Variants in LARP4B observed in about 807,000 individuals in gnomAD.
The protein encoded by LARP4B is la-related protein 4B.
LARP4B carries 12 observed loss-of-function variants against 89.8 expected under a neutral mutation model. The ratio of observed to expected loss-of-function variants is 0.13; its 90% CI spans 0.09 to 0.22. The LOEUF is 0.22. Among genes scored for constraint, LARP4B ranks in the 10% least tolerant of loss-of-function variants. LARP4B has a pLI of 1.00. For missense variants in LARP4B, 757 were observed against 947.7 expected (o/e 0.80, Z 2.64); for synonymous variants, 367 against 363.3 (o/e 1.01, Z -0.12).
chr10:965,233 C>T, the LARP4B span, among the ~76,000 whole-genome samples: 6 of 152,346 alleles, frequency 3.9e-5, no homozygotes, highest in Admixed American at 2.0e-4. Context: ...GGGCCCCGCT[C>T]GGCTGTCGGC....
At chr10:948,835 G>A in the LARP4B span, among the ~76,000 whole-genome samples, 32 of 152,192 alleles carry the variant, frequency 2.1e-4, no homozygotes, top group Admixed American at 9.8e-4. Flanking sequence ...CCCATAGCTC[G>A]TTCCTTTTCA....
intron 6 of LARP4B, among the ~76,000 whole-genome samples, chr10:843,770 A>C (rs1257713778): frequency 6.6e-6 from 1 of 152,128 alleles, no homozygotes; most frequent in Non-Finnish European, 1.5e-5. Context: ...AAAACATAAA[A>C]AGGCCAGGAT....
At position 825,777 on chromosome 10, in the gene LARP4B, G is replaced by T; in HGVS notation, c.1219C>A (p.Pro407Thr). The change falls in exon 12 of 18, where the codon CCT (proline) becomes ACT (threonine). Residue 407 changes from proline to threonine, a missense_variant. This residue lies in a region of LARP4B where 137 missense variants were observed against 213.9 expected (regional missense o/e 0.64). Coordinates refer to ENST00000316157, the MANE Select transcript of LARP4B (RefSeq NM_015155.3). ...CCCGGAACTTGCCTGCTTCGAGGAGGATACTGTCTGAGAGAAGTCAGAGGA... is the reference window on the plus strand; with the variant it reads ...CCCGGAACTTGCCTGCTTCGAGGAGTATACTGTCTGAGAGAAGTCAGAGGA... ...ASPLTSLRQYPPRSRNPSKSH... is the reference protein window; with the variant it reads ...ASPLTSLRQYTPRSRNPSKSH... 6.2e-7 allele frequency: 1 copy of T among 1,613,338 alleles called. No homozygotes were observed. Among genetic ancestry groups the T allele is most frequent in the Non-Finnish European group, 8.5e-7 (1 of 1,179,372 alleles).
chr10:908,813 C>T (rs1172268290), intron 1 of LARP4B, among the ~76,000 whole-genome samples: 1 of 152,196 alleles, frequency 6.6e-6, no homozygotes, highest in East Asian at 1.9e-4. Context: ...CCTCCAAGTT[C>T]ATCTACAAAC....
chr10:966,010 C>T, the LARP4B span, among the ~76,000 whole-genome samples: 1 of 151,202 alleles, frequency 6.6e-6, no homozygotes, highest in Non-Finnish European at 1.5e-5. Flanking sequence ...AAGGGACTTA[C>T]GTGTAGATGA....
intron 3 of LARP4B, among the ~76,000 whole-genome samples, chr10:875,262 G>A (rs539774664): frequency 6.6e-6 from 1 of 152,084 alleles, no homozygotes; most frequent in Non-Finnish European, 1.5e-5. Flanking sequence ...TAACCTCTTT[G>A]TCTCAGTTTT....
At chr10:927,353 A>C (rs1837171875) in intron 1 of LARP4B, among the ~76,000 whole-genome samples, 1 of 152,210 alleles carries the variant, frequency 6.6e-6, no homozygotes, top group Middle Eastern at 3.2e-3. Context: ...GTTCCTAAGG[A>C]AGGCATTTAC....
intron 1 of LARP4B, among the ~76,000 whole-genome samples, chr10:893,052 A>G (rs1490051875): frequency 6.6e-6 from 1 of 151,196 alleles, no homozygotes; most frequent in Non-Finnish European, 1.5e-5. Flanking sequence ...CTGGGATTAC[A>G]GGTGTGCAAC....
chr10:976,401 G>A, the LARP4B span, among the ~76,000 whole-genome samples: 5 of 151,096 alleles, frequency 3.3e-5, no homozygotes, highest in African/African-American at 1.2e-4. Flanking sequence ...ATCATGCAAC[G>A]TGTGGACCCT....
intron 5 of LARP4B, among the ~76,000 whole-genome samples, chr10:845,465 C>G (rs534434508): frequency 1.6e-4 from 24 of 152,184 alleles, no homozygotes; most frequent in African/African-American, 5.3e-4. Context: ...AGCAAAAAAC[C>G]AAGGCTGGAG....
chr10:862,620 C>CGTG (rs1038040228), intron 5 of LARP4B, among the ~76,000 whole-genome samples: 1 of 152,010 alleles, frequency 6.6e-6, no homozygotes, highest in Admixed American at 6.6e-5. Flanking sequence ...ATTAGCCGGG[C>CGTG]GTGGTGGCAG....
intron 1 of LARP4B, among the ~76,000 whole-genome samples, chr10:917,193 A>G (rs1836844103): frequency 6.6e-6 from 1 of 152,198 alleles, no homozygotes. Flanking sequence ...TTTGTTTGAA[A>G]CATTGCTGAT....
At chr10:920,356 A>G (rs139730934) in intron 1 of LARP4B, among the ~76,000 whole-genome samples, 56 of 152,362 alleles carry the variant, frequency 3.7e-4, no homozygotes, top group African/African-American at 1.3e-3. Context: ...TCTGACAATT[A>G]TTTTCACAAA....
Position 816,450 on chromosome 10 carries a change from C to A in LARP4B, c.1695+1275G>T, listed in dbSNP as rs539807210. On this transcript the variant is annotated intron_variant, in intron 15 of 17. Transcript: ENST00000316157. ...AAGCTCCCAAGAAGCAGCAATGGAG[C>A]CCACTACACCTGGGTGGTGGCATAA... is the stretch of plus-strand genomic sequence containing the variant. Among the ~76,000 whole-genome samples, 9 of 152,294 alleles carry A rather than the reference C, an allele frequency of 5.9e-5. No homozygotes were observed. The South Asian group carries it at 1.9e-3, about 32-fold the overall frequency.
intron 3 of LARP4B, among the ~76,000 whole-genome samples, chr10:867,185 G>A (rs1214728962): frequency 1.3e-5 from 2 of 152,214 alleles, no homozygotes; most frequent in African/African-American, 2.4e-5. Flanking sequence ...TGTGACTGAA[G>A]AGATGTCACC....
chr10:887,532 G>A (rs1835894416), intron 1 of LARP4B, among the ~76,000 whole-genome samples: 1 of 151,606 alleles, frequency 6.6e-6, no homozygotes, highest in Non-Finnish European at 1.5e-5. Context: ...CCAACATGGT[G>A]AAACCTCATC....
At chr10:945,050 G>A in the LARP4B span, among the ~76,000 whole-genome samples, 4 of 152,078 alleles carry the variant, frequency 2.6e-5, no homozygotes, top group African/African-American at 4.8e-5. Context: ...TTGTAACCAC[G>A]TTTATAATTC....
chr10:933,710 G>T (rs1233579668), upstream of LARP4B, among the ~76,000 whole-genome samples: 1 of 152,158 alleles, frequency 6.6e-6, no homozygotes, highest in Non-Finnish European at 1.5e-5. Context: ...TAGTGTCCTT[G>T]CTTAGGTGCC....
chr10:849,706 A>C (rs1226439406), intron 5 of LARP4B, among the ~76,000 whole-genome samples: 1 of 152,354 alleles, frequency 6.6e-6, no homozygotes, highest in Non-Finnish European at 1.5e-5. Context: ...CCCAGTAAAC[A>C]GCCAGGTGAT....
Sources: gnomAD v4.1 joint callset for allele counts (sites outside exome capture counted in the v4.1 genomes callset) on GRCh38, gnomAD v4.1.1 for gene constraint, gnomAD v4.1.1 regional missense constraint, MANE v1.5 for transcripts, NCBI Gene and HGNC (gene_info 2026-07-23, HGNC 2026-07-21) for gene names.